TMEM164: variants seen among roughly 807,000 people sequenced by gnomAD.
TMEM164 encodes RP13-360B22.2.
TMEM164 carries 4 observed loss-of-function variants against 18.8 expected under a neutral mutation model. The observed-to-expected ratio is 0.21, with a 90% CI of 0.10 to 0.49. The LOEUF is 0.49. Ranked by LOEUF, TMEM164 falls within the 20% of genes least tolerant of loss-of-function variation. TMEM164 has a pLI of 0.98. For missense variants in TMEM164, 108 were observed against 239.9 expected (o/e 0.45, Z 3.63); for synonymous variants, 86 against 101.7 (o/e 0.85, Z 0.93).
intron 3 of TMEM164, among the ~76,000 whole-genome samples, chrX:110,083,676 A>G (rs762262762): frequency 1.8e-5 from 2 of 111,541 alleles, no homozygotes; most frequent in East Asian, 5.6e-4. Flanking sequence ...AAAAGACATG[A>G]TATGTTAATT....
intron 4 of TMEM164, among the ~76,000 whole-genome samples, chrX:110,120,208 AGTTTGCCTTGGCCCTT>A (rs1206645729): frequency 8.9e-5 from 10 of 112,313 alleles, no homozygotes; most frequent in Admixed American, 4.7e-4. Flanking sequence ...AGAGCTTACT[AGTTTGCCTTGGCCCTT>A]GTTTGCCTTG....
Position 110,129,600 on chromosome X carries a change from C to T in TMEM164, c.508-15198C>T, listed in dbSNP as rs752300817. Reference sequence around the variant, plus strand: ...AAAACAATTTTAAAAATATTTTATCCAGGACTTTTGGATGTTTTCAGTGGT... The same window carrying T: ...AAAACAATTTTAAAAATATTTTATCTAGGACTTTTGGATGTTTTCAGTGGT... On this transcript the variant is annotated intron_variant, in intron 4 of 6. Coordinates refer to ENST00000372068, the MANE Select transcript of TMEM164 (RefSeq NM_032227.4). Among the ~76,000 whole-genome samples the T allele has an allele frequency of 2.7e-5, 3 of 112,357 alleles. No individual in the cohort carries two copies. In the Admixed American group the frequency reaches 2.8e-4, roughly 11 times the overall value.
intron 5 of TMEM164, among the ~76,000 whole-genome samples, chrX:110,157,112 A>G (rs1324730767): frequency 9.0e-6 from 1 of 111,659 alleles, no homozygotes; most frequent in African/African-American, 3.3e-5. Context: ...GGAATGAATG[A>G]GCTGGTCCAG....
At chrX:110,067,203 C>A in intron 2 of TMEM164, 144 bp from the exon 3 acceptor site, 1 of 534,648 alleles carries the variant, frequency 1.9e-6, no homozygotes. Flanking sequence ...CAAGCACAAA[C>A]ATGTACCTGT....
chrX:110,172,985 C>A (rs748877725), intron 6 of TMEM164, among the ~76,000 whole-genome samples: 1 of 112,099 alleles, frequency 8.9e-6, no homozygotes, highest in South Asian at 3.8e-4. Context: ...GCAACAAGTT[C>A]TGGGCCCAAA....
At chrX:110,013,578 G>A (rs1440475101) in intron 2 of TMEM164, among the ~76,000 whole-genome samples, 1 of 111,940 alleles carries the variant, frequency 8.9e-6, no homozygotes, top group African/African-American at 3.3e-5. Context: ...GACATTGTAG[G>A]CTTGGACTGG....
chrX:110,036,715 A>C (rs1934821742), intron 2 of TMEM164, among the ~76,000 whole-genome samples: 1 of 112,327 alleles, frequency 8.9e-6, no homozygotes, highest in African/African-American at 3.2e-5. Context: ...AATTTGAATC[A>C]TCAAATTTTC....
intron 4 of TMEM164, among the ~76,000 whole-genome samples, chrX:110,111,628 G>C (rs1406038182): frequency 8.9e-6 from 1 of 112,222 alleles, no homozygotes; most frequent in African/African-American, 3.2e-5. Flanking sequence ...CACCTGCTGA[G>C]GTGGATAGAT....
At chrX:110,057,955 T>A (rs1935927967) in intron 2 of TMEM164, among the ~76,000 whole-genome samples, 1 of 112,236 alleles carries the variant, frequency 8.9e-6, no homozygotes, top group African/African-American at 3.2e-5. Flanking sequence ...TAGTCCTAAT[T>A]GTTTTTGTTT....
At chrX:110,096,879 C>T (rs2066029729) in intron 3 of TMEM164, among the ~76,000 whole-genome samples, 1 of 111,867 alleles carries the variant, frequency 8.9e-6, no homozygotes, top group Non-Finnish European at 1.9e-5. Flanking sequence ...CACTCCCTGC[C>T]ACAAGACAGA....
Position 110,041,278 on chromosome X carries a change from G to A in TMEM164, c.391-26069G>A, listed in dbSNP as rs767087130. 8.1e-4 allele frequency among the ~76,000 whole-genome samples: 91 copies of A among 112,030 alleles called. 1 individual carries two copies. Among genetic ancestry groups the A allele is most frequent in the African/African-American group, 2.8e-3 (87 of 30,799 alleles). The stretch of plus-strand genomic sequence containing the variant: ...TCCCCCACAACCAGTAGATTACAGT[G>A]AAAGGAATTCTGATTAAATTCTGCC... On this transcript the variant is annotated intron_variant, in intron 2 of 6. Coordinates refer to ENST00000372068, the MANE Select transcript of TMEM164 (RefSeq NM_032227.4).
chrX:110,165,161 G>A (rs930968147), intron 5 of TMEM164, among the ~76,000 whole-genome samples: 4 of 112,640 alleles, frequency 3.6e-5, no homozygotes, highest in Non-Finnish European at 5.6e-5. Flanking sequence ...TGCCTTTACT[G>A]TACCCCTATA....
chrX:110,077,313 T>A (rs1253108116), intron 3 of TMEM164, among the ~76,000 whole-genome samples: 4 of 112,038 alleles, frequency 3.6e-5, no homozygotes, highest in Non-Finnish European at 7.5e-5. Flanking sequence ...ATGATAGATT[T>A]CTCTCTATCC....
At chrX:110,050,768 T>G (rs963864786) in intron 2 of TMEM164, among the ~76,000 whole-genome samples, 2 of 112,265 alleles carry the variant, frequency 1.8e-5, no homozygotes, top group Admixed American at 1.9e-4. Flanking sequence ...AAAATTGGTT[T>G]GTTACCTCCA....
chrX:110,151,643 T>C (rs2066940589), intron 5 of TMEM164, among the ~76,000 whole-genome samples: 1 of 110,766 alleles, frequency 9.0e-6, no homozygotes, highest in Non-Finnish European at 1.9e-5. Context: ...TAGCCAAGTG[T>C]GGTGGTGCGC....
At chrX:110,020,247 T>A in intron 2 of TMEM164, 1 of 386,909 alleles carries the variant, frequency 2.6e-6, no homozygotes, top group Non-Finnish European at 3.3e-6. Flanking sequence ...AGATTCCTAA[T>A]TTTTTAAAAA....
Position 110,173,365 on chromosome X carries a change from C to G in TMEM164, c.808C>G (p.Leu270Val). ...QTLMTMTHGK[L>V]VILFSYMAGP... is the part of the protein sequence containing the mutation. ...TCTCATGACCATGACCCACGGGAAG[C>G]TGGTCATCCTGTTCTCATACATGGC... Residue 270 changes from leucine to valine, a missense_variant, in exon 7 of 7, where the codon CTG becomes GTG. Coordinates refer to ENST00000372068, the MANE Select transcript of TMEM164 (RefSeq NM_032227.4). 1 of 1,211,569 alleles carries G rather than the reference C, an allele frequency of 8.3e-7. No homozygotes were observed. Among genetic ancestry groups the G allele is most frequent in the Non-Finnish European group, 1.1e-6 (1 of 895,256 alleles).
At chrX:110,107,503 T>C (rs2066221859) in intron 3 of TMEM164, among the ~76,000 whole-genome samples, 1 of 112,171 alleles carries the variant, frequency 8.9e-6, no homozygotes, top group African/African-American at 3.2e-5. Flanking sequence ...ACCATCGCTA[T>C]TCGCAAAGTT....
chrX:110,100,022 A>G (rs1469162142), intron 3 of TMEM164, among the ~76,000 whole-genome samples: 2 of 112,210 alleles, frequency 1.8e-5, no homozygotes, highest in South Asian at 3.7e-4. Context: ...GAAGTGATTG[A>G]TTTTTGTGTG....
Sources: allele counts gnomAD v4.1 joint callset (sites outside exome capture counted in the v4.1 genomes callset), GRCh38; gene constraint gnomAD v4.1.1; transcripts MANE v1.5; gene names NCBI Gene and HGNC (gene_info 2026-07-23, HGNC 2026-07-21).